SLC25A6: variants seen among roughly 807,000 people sequenced by gnomAD.
SLC25A6 encodes ADP/ATP translocase 3.
A neutral mutation model predicts 25.7 loss-of-function variants in SLC25A6; 9 were observed. The ratio of observed to expected loss-of-function variants is 0.35; its 90% CI spans 0.21 to 0.61. The LOEUF (loss-of-function observed/expected upper bound fraction) is 0.61. Ranked by LOEUF, SLC25A6 falls within the 20% of genes least tolerant of loss-of-function variation. The probability of loss-of-function intolerance (pLI) is 0.76; values close to 1 mark genes in which losing one functional copy is unlikely to be tolerated. For missense variants in SLC25A6, 404 were observed against 440.5 expected, an observed-to-expected ratio of 0.92 and a Z score of 0.74; for synonymous variants, 223 against 197.0, an observed-to-expected ratio of 1.13 and a Z score of -1.11.
At chrX:1,389,761 A>T (rs1311701802) in intron 1 of SLC25A6, 34 bp from the exon 2 acceptor site, 38 of 1,600,412 alleles carry the variant, frequency 2.4e-5, no homozygotes, top group Non-Finnish European at 3.1e-5. Flanking sequence ...GACCAGACCC[A>T]GGGCCAACCA....
chrX:1,391,036 C>T (rs1383008081), intron 1 of SLC25A6, among the ~76,000 whole-genome samples: 2 of 143,506 alleles, frequency 1.4e-5, no homozygotes, highest in African/African-American at 5.2e-5. Flanking sequence ...CTTAGAGATG[C>T]GGTCTTGCTC....
Position 1,392,109 on chromosome X carries a change from A to G in SLC25A6, c.-100T>C. The G allele has an allele frequency of 2.3e-6, 2 of 871,850 alleles. No homozygotes were observed. Among genetic ancestry groups the G allele is most frequent in the Non-Finnish European group, 3.6e-6 (2 of 547,964 alleles). 54.0% of individuals were successfully genotyped at this position (871,850 alleles called of 1,614,324 possible). On this transcript the variant is annotated 5_prime_UTR_variant, in exon 1 of 4. Coordinates refer to ENST00000381401, the MANE Select transcript of SLC25A6 (RefSeq NM_001636.4). ...CTCAGCCCTGCCGCCGCCTGGACCG[A>G]AAGGACGGAGCAGCCACCGCGCAGC... is the stretch of plus-strand genomic sequence containing the variant.
At chrX:1,388,496 G>A (rs1191218324) in intron 2 of SLC25A6, among the ~76,000 whole-genome samples, 10 of 151,758 alleles carry the variant, frequency 6.6e-5, no homozygotes, top group Admixed American at 2.0e-4. Context: ...CAGGACTGTG[G>A]GAGAATCAAT....
intron 2 of SLC25A6, among the ~76,000 whole-genome samples, chrX:1,387,755 T>C (rs1424781696): frequency 6.6e-6 from 1 of 152,090 alleles, no homozygotes; most frequent in African/African-American, 2.4e-5. Flanking sequence ...AAAATCCACA[T>C]GCTGAAGTCC....
Position 1,391,931 on chromosome X carries a change from C to A in SLC25A6, c.79G>T (p.Ala27Ser). 1 of 1,609,170 alleles carries A rather than the reference C, an allele frequency of 6.2e-7. No individual in the cohort carries two copies. The highest frequency in any genetic ancestry group is 2.2e-5 in the East Asian group (1 of 44,788). Residue 27 changes from alanine to serine, a missense_variant, in exon 1 of 4, where the codon GCT becomes TCT. By Grantham distance (99) the Ala-to-Ser change is moderately conservative. Transcript: ENST00000381401. ...IAAAISKTAV[A>S]PIERVKLLLQ... ...AGCAGCTTGACCCGCTCGATCGGAGCCACGGCCGTCTTGGAGATGGCGGCG... is the reference window on the plus strand; with the variant it reads ...AGCAGCTTGACCCGCTCGATCGGAGACACGGCCGTCTTGGAGATGGCGGCG...
chrX:1,391,545 G>A (rs1483628119), intron 1 of SLC25A6, among the ~76,000 whole-genome samples: 2 of 152,228 alleles, frequency 1.3e-5, no homozygotes, highest in East Asian at 3.9e-4. Flanking sequence ...ACACCTGCCA[G>A]GCATCCACCG....
At position 1,389,698 on chromosome X, in the gene SLC25A6, G is replaced by A. The variant is rs777746251; in HGVS notation, c.141C>T (p.Ala47=). 3.6e-5 allele frequency: 58 copies of A among 1,613,076 alleles called. No homozygotes were observed. The highest frequency in any genetic ancestry group is 7.7e-5 in the South Asian group (7 of 91,036). The change falls in exon 2 of 4, where the codon GCC becomes GCT. Residue 47 remains alanine (A), a synonymous_variant. Coordinates refer to ENST00000381401, the MANE Select transcript of SLC25A6 (RefSeq NM_001636.4). ...CCACGATGCCCTTGTACTGCTTGTC[G>A]GCGGCGATCTGCTTGCTGGCGTGCT... ...QVQHASKQIA[A]DKQYKGIVDC... is the part of the protein sequence containing the mutation.
intron 3 of SLC25A6, among the ~76,000 whole-genome samples, 159 bp downstream of exon 3, chrX:1,387,120 G>C (rs1464460935): frequency 1.3e-5 from 2 of 152,172 alleles, no homozygotes; most frequent in Non-Finnish European, 2.9e-5. Context: ...CCATCGTTCA[G>C]GAAAATCCTT....
In SLC25A6 at chrX:1,386,907, C is replaced by G. The variant is rs778687963; in HGVS notation, c.740-148G>C. The G allele has an allele frequency of 4.0e-6, 4 of 998,372 alleles. No individual in the cohort carries two copies. In the East Asian group the frequency reaches 7.4e-5, roughly 19 times the overall value. 61.8% of individuals were successfully genotyped at this position (998,372 alleles called of 1,614,324 possible). ...TACAGGAGGGATACCTGAGGCTCCC[C>G]CAGCTCAAGCCCTCCTCCTAAGCCA... On this transcript the variant is annotated intron_variant, in intron 3 of 3. Coordinates refer to ENST00000381401, the MANE Select transcript of SLC25A6 (RefSeq NM_001636.4).
At chrX:1,389,802 C>T (rs2089378085) in intron 1 of SLC25A6, 75 bp from the exon 2 acceptor site, 3 of 1,562,672 alleles carry the variant, frequency 1.9e-6, no homozygotes, top group Non-Finnish European at 2.6e-6. Context: ...AGGGTGCATC[C>T]TTTTTTTGAC....
At chrX:1,389,865 C>A in intron 1 of SLC25A6, 138 bp from the exon 2 acceptor site, 1 of 1,439,910 alleles carries the variant, frequency 6.9e-7, no homozygotes, top group South Asian at 1.3e-5. Context: ...TCAAGTGATT[C>A]TCCTGTCTCA....
At chrX:1,391,292 A>G (rs1241651817) in intron 1 of SLC25A6, among the ~76,000 whole-genome samples, 3 of 152,082 alleles carry the variant, frequency 2.0e-5, no homozygotes, top group Non-Finnish European at 4.4e-5. Flanking sequence ...CCGAGCTGTC[A>G]CTCGGAGTAC....
intron 1 of SLC25A6, among the ~76,000 whole-genome samples, 166 bp downstream of exon 1, chrX:1,391,733 C>G (rs1448631945): frequency 6.6e-6 from 1 of 152,240 alleles, no homozygotes; most frequent in Non-Finnish European, 1.5e-5. Flanking sequence ...CCTGCAGCAG[C>G]GGTCACGTGA....
chrX:1,386,809 C>G, intron 3 of SLC25A6, 50 bp from the exon 4 acceptor site: 3 of 1,576,486 alleles, frequency 1.9e-6, no homozygotes, highest in Non-Finnish European at 2.6e-6. Flanking sequence ...CTCTTCAAGA[C>G]ACGGACGCCA....
intron 1 of SLC25A6, 134 bp from the exon 2 acceptor site, chrX:1,389,861 G>T: frequency 6.9e-7 from 1 of 1,448,112 alleles, no homozygotes; most frequent in South Asian, 1.3e-5. Flanking sequence ...GTGATCAAGT[G>T]ATTCTCCTGT....
At position 1,387,386 on chromosome X, in the gene SLC25A6, A is replaced by C. The variant is rs2089339623; in HGVS notation, c.632T>G (p.Val211Gly). 6.2e-7 allele frequency: 1 copy of C among 1,612,996 alleles called. No individual in the cohort carries two copies. Among genetic ancestry groups the C allele is most frequent in the Non-Finnish European group, 8.5e-7 (1 of 1,179,734 alleles). ...GGTCTGCGCGATCATCCAGCTCACC[A>C]CGATGTGCGTGTTCTTGGGGTCGGG... The part of the protein sequence containing the change: ...MLPDPKNTHI[V>G]VSWMIAQTVT... The change falls in exon 3 of 4, where the codon GTG becomes GGG. Residue 211 changes from valine (V) to glycine (G), a missense_variant. Val to Gly is a moderately radical substitution (Grantham distance 109). Transcript: ENST00000381401.
In SLC25A6 at chrX:1,389,248, C is replaced by G. The variant is rs765298151; in HGVS notation, c.591G>C (p.Thr197=). 4 of 1,611,282 alleles carry G rather than the reference C, an allele frequency of 2.5e-6. No homozygotes were observed. Among genetic ancestry groups the G allele is most frequent in the Non-Finnish European group, 3.4e-6 (4 of 1,177,886 alleles). Residue 197 remains threonine, a synonymous_variant, in exon 2 of 4, where the codon ACG becomes ACC. Coordinates refer to ENST00000381401, the MANE Select transcript of SLC25A6 (RefSeq NM_001636.4). The part of the protein sequence containing the change: ...YRAAYFGVYD[T]AKGMLPDPKN... ...GATGGCAGCCACACGTACCCTTGGC[C>G]GTATCGTACACGCCGAAGTAGGCCG...
chrX:1,390,156 G>C, intron 1 of SLC25A6: 1 of 216,372 alleles, frequency 4.6e-6, no homozygotes, highest in Non-Finnish European at 9.3e-6. Context: ...GTCTACAGAT[G>C]CACAACCATC....
intron 2 of SLC25A6, among the ~76,000 whole-genome samples, chrX:1,388,800 CAA>C (rs1198003576): frequency 3.4e-5 from 5 of 147,376 alleles, no homozygotes; most frequent in African/African-American, 1.3e-4. Context: ...CATCTCATAA[CAA>C]GAGGAGATGA....
Sources: gnomAD v4.1 joint callset for allele counts (sites outside exome capture counted in the v4.1 genomes callset) on GRCh38, gnomAD v4.1.1 for gene constraint, MANE v1.5 for transcripts, NCBI Gene and HGNC (gene_info 2026-07-23, HGNC 2026-07-21) for gene names.